LHFPL6: variants seen among roughly 807,000 people sequenced by gnomAD.
LHFPL6 encodes the protein LHFPL tetraspan subfamily member 6, also known as LHFPL tetraspan subfamily member 6 protein.
LHFPL6 carries 9 observed loss-of-function variants against 20.6 expected under a neutral mutation model. The ratio of observed to expected loss-of-function variants is 0.44; its 90% CI spans 0.26 to 0.76. The LOEUF (loss-of-function observed/expected upper bound fraction) is 0.76. LHFPL6 is among the 30% of genes least tolerant of loss of function. LHFPL6 has a pLI of 0.20. For synonymous variants in LHFPL6, 105 were observed against 98.7 expected (o/e 1.06, Z -0.38); for missense variants, 218 against 253.5 (o/e 0.86, Z 0.95).
chr13:39,536,748 T>G (rs1213386943), intron 2 of LHFPL6, among the ~76,000 whole-genome samples: 1 of 152,212 alleles, frequency 6.6e-6, no homozygotes, highest in African/African-American at 2.4e-5. Context: ...AGAATGCAAT[T>G]AAAATTCTAC....
intron 2 of LHFPL6, among the ~76,000 whole-genome samples, chr13:39,534,152 C>T (rs762314524): frequency 6.6e-6 from 1 of 152,110 alleles, no homozygotes; most frequent in Non-Finnish European, 1.5e-5. Flanking sequence ...AACCTTGAGG[C>T]AATTTGGCAG....
At chr13:39,382,962 C>T (rs1870479953) in intron 2 of LHFPL6, among the ~76,000 whole-genome samples, 1 of 152,080 alleles carries the variant, frequency 6.6e-6, no homozygotes, top group Admixed American at 6.5e-5. Flanking sequence ...ACGTTACAAA[C>T]CGTATGATCA....
chr13:39,578,644 A>T (rs1872189252), intron 2 of LHFPL6, among the ~76,000 whole-genome samples: 1 of 152,190 alleles, frequency 6.6e-6, no homozygotes, highest in South Asian at 2.1e-4. Context: ...TGAATTCAAA[A>T]GTTTCCAGAA....
At position 39,506,426 on chromosome 13, in the gene LHFPL6, G is replaced by A. The variant is rs189976654; in HGVS notation, c.385+94406C>T. Among the ~76,000 whole-genome samples the A allele has an allele frequency of 2.6e-5, 4 of 152,318 alleles. No homozygotes were observed. The East Asian group carries it at 7.7e-4, about 29-fold the overall frequency. ...AAGATAGTAAACATTTGTCAAAGTT[G>A]AGTCCCATGGGATTTCACGCTCTTC... is the stretch of plus-strand genomic sequence containing the variant. On this transcript the variant is annotated intron_variant, in intron 2 of 3. Coordinates refer to ENST00000379589, the MANE Select transcript of LHFPL6 (RefSeq NM_005780.3).
At chr13:39,462,220 C>T (rs1301183321) in intron 2 of LHFPL6, among the ~76,000 whole-genome samples, 1 of 152,154 alleles carries the variant, frequency 6.6e-6, no homozygotes, top group African/African-American at 2.4e-5. Context: ...GCTAACACCA[C>T]CTTTAGAAGA....
At chr13:39,394,748 A>G (rs1412956357) in intron 2 of LHFPL6, among the ~76,000 whole-genome samples, 2 of 152,174 alleles carry the variant, frequency 1.3e-5, no homozygotes, top group Non-Finnish European at 2.9e-5. Flanking sequence ...CTTTAAGTAC[A>G]TGGATAGCTC....
intron 2 of LHFPL6, among the ~76,000 whole-genome samples, chr13:39,559,228 G>A (rs1871397872): frequency 6.6e-6 from 1 of 152,198 alleles, no homozygotes; most frequent in Admixed American, 6.5e-5. Context: ...CTCACCCAAA[G>A]GCCACATTCA....
At chr13:39,558,926 T>C (rs755686278) in intron 2 of LHFPL6, among the ~76,000 whole-genome samples, 4 of 152,246 alleles carry the variant, frequency 2.6e-5, no homozygotes, top group Non-Finnish European at 2.9e-5. Context: ...TTCCATTCTA[T>C]GAAATTCTTG....
chr13:39,394,853 C>A (rs1870804383), intron 2 of LHFPL6, among the ~76,000 whole-genome samples: 1 of 152,176 alleles, frequency 6.6e-6, no homozygotes, highest in South Asian at 2.1e-4. Context: ...GGAATGAAAT[C>A]TTTTGTTGCT....
At chr13:39,467,889 T>C (rs929059443) in intron 2 of LHFPL6, among the ~76,000 whole-genome samples, 3 of 152,178 alleles carry the variant, frequency 2.0e-5, no homozygotes, top group Non-Finnish European at 4.4e-5. Context: ...CTGGACCCCA[T>C]TGGGTTATTG....
At chr13:39,529,815 C>G (rs1271678570) in intron 2 of LHFPL6, among the ~76,000 whole-genome samples, 1 of 152,088 alleles carries the variant, frequency 6.6e-6, no homozygotes, top group Non-Finnish European at 1.5e-5. Flanking sequence ...TTTGGACTTG[C>G]ATTTATAATC....
At position 39,578,090 on chromosome 13, in the gene LHFPL6, T is replaced by A. The variant is rs11841686; in HGVS notation, c.385+22742A>T. On this transcript the variant is annotated intron_variant, in intron 2 of 3. Coordinates refer to ENST00000379589, the MANE Select transcript of LHFPL6 (RefSeq NM_005780.3). ...AAGACTGAATTGAAGAGAAGTGTTC[T>A]CAGTGCATTCACCACCTTTAAAATA... Among the ~76,000 whole-genome samples the A allele has an allele frequency of 1.9e-3, 293 of 152,312 alleles. 3 individuals carry two copies. Among genetic ancestry groups the A allele is most frequent in the Middle Eastern group, 6.8e-3 (2 of 294 alleles).
At chr13:39,526,498 A>G (rs1414663234) in intron 2 of LHFPL6, among the ~76,000 whole-genome samples, 1 of 151,904 alleles carries the variant, frequency 6.6e-6, no homozygotes, top group Non-Finnish European at 1.5e-5. Flanking sequence ...ACCAATAACA[A>G]AAGTAAATCT....
At chr13:39,470,583 G>A (rs1002454544) in intron 2 of LHFPL6, among the ~76,000 whole-genome samples, 10 of 152,010 alleles carry the variant, frequency 6.6e-5, no homozygotes, top group Admixed American at 4.6e-4. Context: ...TATGCACACT[G>A]CTTCTAACTT....
intron 2 of LHFPL6, among the ~76,000 whole-genome samples, chr13:39,583,815 C>G (rs1350680733): frequency 1.3e-5 from 2 of 152,200 alleles, no homozygotes; most frequent in Non-Finnish European, 1.5e-5. Context: ...CAATGCAAGT[C>G]CTTCTGGCCA....
chr13:39,352,893 G>A (rs372852694), intron 3 of LHFPL6, among the ~76,000 whole-genome samples: 1 of 33,366 alleles, frequency 3.0e-5, no homozygotes, highest in Non-Finnish European at 6.1e-5. Flanking sequence ...GTATATATAT[G>A]TGTATATATA....
chr13:39,391,961 G>A (rs181508531), intron 2 of LHFPL6, among the ~76,000 whole-genome samples: 271 of 152,166 alleles, frequency 1.8e-3, no homozygotes, highest in Non-Finnish European at 3.0e-3. Flanking sequence ...TTTCCTTTCC[G>A]TTTTCTTTCT....
chr13:39,411,432 G>A (rs1871239105), intron 2 of LHFPL6, among the ~76,000 whole-genome samples: 1 of 152,220 alleles, frequency 6.6e-6, no homozygotes, highest in South Asian at 2.1e-4. Flanking sequence ...CTTTTTGGAA[G>A]TGAGGTGCTT....
chr13:39,569,910 T>C (rs1871860106), intron 2 of LHFPL6, among the ~76,000 whole-genome samples: 1 of 152,058 alleles, frequency 6.6e-6, no homozygotes, highest in Admixed American at 6.5e-5. Flanking sequence ...ACTTTTGGAG[T>C]CTTTAAGCAC....
Sources: allele counts gnomAD v4.1 joint callset (sites outside exome capture counted in the v4.1 genomes callset), GRCh38; gene constraint gnomAD v4.1.1; transcripts MANE v1.5; gene names NCBI Gene and HGNC (gene_info 2026-07-23, HGNC 2026-07-21).